PDE1A: variants seen among roughly 807,000 people sequenced by gnomAD.
PDE1A encodes the protein phosphodiesterase 1A.
Under a neutral mutation model 61.7 loss-of-function variants are expected in PDE1A, and 35 were observed. That is an observed-to-expected ratio of 0.57 (90% CI 0.43 to 0.75). The LOEUF (loss-of-function observed/expected upper bound fraction) is 0.75. PDE1A is among the 30% of genes least tolerant of loss of function. The pLI is 0.00. For missense variants in PDE1A, 597 were observed against 630.6 expected (o/e 0.95, Z 0.57); for synonymous variants, 232 against 213.2 (o/e 1.09, Z -0.77).
At chr2:182,239,994 T>C (rs142066422) in intron 3 of PDE1A, 116 bp downstream of exon 3, 3 of 858,120 alleles carry the variant, frequency 3.5e-6, no homozygotes, top group Non-Finnish European at 5.1e-6. Flanking sequence ...TAGTTATCAT[T>C]ATGATCACAG....
At chr2:182,269,552 C>A (rs955210763) in intron 1 of PDE1A, among the ~76,000 whole-genome samples, 8 of 151,664 alleles carry the variant, frequency 5.3e-5, no homozygotes, top group African/African-American at 1.7e-4. Context: ...ATATTTTATA[C>A]ATACTTTTCC....
chr2:182,530,313 G>A, the PDE1A span, among the ~76,000 whole-genome samples: 1 of 133,162 alleles, frequency 7.5e-6, no homozygotes, highest in Non-Finnish European at 1.6e-5. Context: ...TGAAGGTAAT[G>A]GGATGCCAGA....
At chr2:182,434,588 C>A (rs762904800) in intron 2 of PDE1A, among the ~76,000 whole-genome samples, 3 of 151,880 alleles carry the variant, frequency 2.0e-5, no homozygotes, top group Non-Finnish European at 2.9e-5. Flanking sequence ...AGGGGAGCAG[C>A]CCTCCTGGCC....
At chr2:182,633,192 C>A in the PDE1A span, among the ~76,000 whole-genome samples, 45 of 152,296 alleles carry the variant, frequency 3.0e-4, no homozygotes, top group Admixed American at 2.9e-3. Context: ...AATAGCACAA[C>A]ATGAATAAGA....
intron 1 of PDE1A, among the ~76,000 whole-genome samples, chr2:182,346,775 C>T (rs1698545222): frequency 6.6e-6 from 1 of 151,996 alleles, no homozygotes; most frequent in Admixed American, 6.6e-5. Flanking sequence ...ATTCCTACTT[C>T]AATATGAGAA....
At chr2:182,238,773 A>G (rs550475005) in intron 3 of PDE1A, among the ~76,000 whole-genome samples, 1 of 152,322 alleles carries the variant, frequency 6.6e-6, no homozygotes, top group East Asian at 1.9e-4. Flanking sequence ...AGGCTACTAA[A>G]TGTGTTTTAT....
chr2:182,565,062 C>T, the PDE1A span, among the ~76,000 whole-genome samples: 13 of 152,344 alleles, frequency 8.5e-5, no homozygotes, highest in African/African-American at 3.1e-4. Flanking sequence ...TCGTCAAAGT[C>T]ATTCTCCATC....
At chr2:182,263,553 C>G (rs1032974645) in intron 2 of PDE1A, among the ~76,000 whole-genome samples, 1 of 152,088 alleles carries the variant, frequency 6.6e-6, no homozygotes, top group African/African-American at 2.4e-5. Flanking sequence ...AAATGCATGC[C>G]TCTCTCCCCA....
chr2:182,559,261 G>A, the PDE1A span, among the ~76,000 whole-genome samples: 1 of 152,056 alleles, frequency 6.6e-6, no homozygotes, highest in Non-Finnish European at 1.5e-5. Flanking sequence ...GGAATCCAGA[G>A]AACAAGGGAG....
At chr2:182,516,051 A>C (rs1426167772) in intron 2 of PDE1A, among the ~76,000 whole-genome samples, 3 of 150,352 alleles carry the variant, frequency 2.0e-5, no homozygotes, top group East Asian at 2.0e-4. Context: ...CTGGTATAGA[A>C]GGCATGTATT....
upstream of PDE1A, among the ~76,000 whole-genome samples, chr2:182,427,400 A>G (rs182452669): frequency 4.0e-3 from 613 of 152,314 alleles, 6 homozygotes; most frequent in African/African-American, 0.014. Flanking sequence ...TAGAAAAACA[A>G]AAATTGCTAA....
chr2:182,681,844 C>T, the PDE1A span, among the ~76,000 whole-genome samples: 1 of 151,798 alleles, frequency 6.6e-6, no homozygotes, highest in South Asian at 2.1e-4. Context: ...GATGGGGTTT[C>T]ACCGTGTTAG....
intron 1 of PDE1A, among the ~76,000 whole-genome samples, chr2:182,312,699 T>C (rs1293950451): frequency 6.6e-6 from 1 of 152,226 alleles, no homozygotes; most frequent in Non-Finnish European, 1.5e-5. Flanking sequence ...TTGATTACTG[T>C]AGCTTTTAAT....
chr2:182,527,055 T>C (rs1035007606), upstream of PDE1A, among the ~76,000 whole-genome samples: 2 of 151,442 alleles, frequency 1.3e-5, no homozygotes, highest in Non-Finnish European at 2.9e-5. Flanking sequence ...ATATTCTATT[T>C]TTTTAAAGGA....
intron 1 of PDE1A, among the ~76,000 whole-genome samples, chr2:182,360,887 T>C (rs964508228): frequency 2.0e-5 from 3 of 152,070 alleles, no homozygotes; most frequent in Admixed American, 6.6e-5. Context: ...ACAAGTTATG[T>C]CTATTGGACA....
chr2:182,629,226 G>A, the PDE1A span, among the ~76,000 whole-genome samples: 3 of 152,198 alleles, frequency 2.0e-5, no homozygotes, highest in African/African-American at 7.2e-5. Flanking sequence ...CACCTTGATT[G>A]TAGCTTTAGA....
chr2:182,332,362 A>G (rs1245366217), intron 1 of PDE1A, among the ~76,000 whole-genome samples: 2 of 152,092 alleles, frequency 1.3e-5, no homozygotes, highest in Admixed American at 6.6e-5. Flanking sequence ...TCAATTCATC[A>G]AACTCATTCT....
intron 2 of PDE1A, among the ~76,000 whole-genome samples, chr2:182,515,720 C>T (rs1690089932): frequency 6.6e-6 from 1 of 152,182 alleles, no homozygotes; most frequent in Non-Finnish European, 1.5e-5. Context: ...GAACAACATA[C>T]AGACTTATCA....
chr2:182,423,155 A>G (rs1433184282), intron 1 of PDE1A, among the ~76,000 whole-genome samples: 1 of 152,202 alleles, frequency 6.6e-6, no homozygotes. Flanking sequence ...CCTTGGCCAT[A>G]AAAGAAACTT....
Sources: gnomAD v4.1 joint callset for allele counts (sites outside exome capture counted in the v4.1 genomes callset) on GRCh38, gnomAD v4.1.1 for gene constraint, MANE v1.5 for transcripts, NCBI Gene and HGNC (gene_info 2026-07-23, HGNC 2026-07-21) for gene names.